Variants in CLTC observed in about 807,000 individuals in gnomAD.
CLTC encodes the protein clathrin heavy chain.
In CLTC, 16 loss-of-function variants were observed where a neutral mutation model predicts 195.8. That is an observed-to-expected ratio of 0.08 (90% CI 0.06 to 0.12). The LOEUF (loss-of-function observed/expected upper bound fraction) is 0.12, where lower values mean the gene tolerates loss of function less well. CLTC is among the 10% of genes least tolerant of loss of function. The probability of loss-of-function intolerance (pLI) is 1.00; values close to 1 mark genes in which losing one functional copy is unlikely to be tolerated. For missense variants in CLTC, 796 were observed against 2,027.0 expected (o/e 0.39, Z 11.66); for synonymous variants, 667 against 689.4 (o/e 0.97, Z 0.51).
At chr17:59,652,809 C>A (rs1045730384) in intron 5 of CLTC, among the ~76,000 whole-genome samples, 2 of 152,150 alleles carry the variant, frequency 1.3e-5, no homozygotes, top group African/African-American at 4.8e-5. Context: ...CTTAAAGTCA[C>A]CAGCATCATT....
intron 1 of CLTC, among the ~76,000 whole-genome samples, chr17:59,630,167 A>G (rs1369697134): frequency 6.6e-6 from 1 of 151,966 alleles, no homozygotes; most frequent in Non-Finnish European, 1.5e-5. Flanking sequence ...CACCCAGCCA[A>G]TTTTTGTATT....
rs1258255265 is a variant in CLTC at position 59,682,192 on chromosome 17, A to AT, written c.3443-78dup. The stretch of plus-strand genomic sequence containing the variant: ...CCATGTTTCCTTGAAAAGGAAATGA[A>AT]TGCAATTTTCATTTACTTGGGTGAA... On this transcript the variant is annotated intron_variant, in intron 21 of 31. Coordinates refer to ENST00000269122, the MANE Select transcript of CLTC (RefSeq NM_004859.4). The surrounding 1 kb of genome is among the most constrained non-coding windows in gnomAD (Gnocchi z 6.8). 7.4e-7 allele frequency: 1 copy of AT among 1,350,678 alleles called. No homozygotes were observed. Among genetic ancestry groups the AT allele is most frequent in the Non-Finnish European group, 1.0e-6 (1 of 969,076 alleles). 83.7% of individuals were successfully genotyped at this position (1,350,678 alleles called of 1,614,324 possible).
At chr17:59,659,619 A>AT (rs998674557) in intron 6 of CLTC, among the ~76,000 whole-genome samples, 73 of 146,132 alleles carry the variant, frequency 5.0e-4, no homozygotes, top group African/African-American at 1.2e-3. Flanking sequence ...TAATTTTTAT[A>AT]TTTTTTTTTT....
In CLTC at chr17:59,685,251, C is replaced by T; in HGVS notation, c.4605+25C>T. On this transcript the variant is annotated intron_variant, in intron 29 of 31. Coordinates refer to ENST00000269122, the MANE Select transcript of CLTC (RefSeq NM_004859.4). The surrounding 1 kb of genome is among the most constrained non-coding windows in gnomAD (Gnocchi z 5.0). Reference sequence around the variant, plus strand: ...GGTTGATAAAGTTGCGGGGCAGGGGCTGTTTTAAACCAGGCCTAAAATGGT... The same window carrying T: ...GGTTGATAAAGTTGCGGGGCAGGGGTTGTTTTAAACCAGGCCTAAAATGGT... The T allele has an allele frequency of 6.4e-7, 1 of 1,557,116 alleles. No homozygotes were observed. Among genetic ancestry groups the T allele is most frequent in the South Asian group, 1.2e-5 (1 of 82,794 alleles).
intron 18 of CLTC, among the ~76,000 whole-genome samples, chr17:59,680,021 T>C (rs1032838601): frequency 3.9e-5 from 6 of 151,904 alleles, no homozygotes; most frequent in Non-Finnish European, 2.9e-5. Flanking sequence ...CACTCCAGCC[T>C]GGGTGATAAG....
chr17:59,624,371 G>A (rs1444890969), intron 1 of CLTC, among the ~76,000 whole-genome samples: 1 of 151,708 alleles, frequency 6.6e-6, no homozygotes, highest in Non-Finnish European at 1.5e-5. Flanking sequence ...GATTAACAAT[G>A]TGGTATAGTA....
At chr17:59,678,766 C>A (rs531037585) in intron 17 of CLTC, among the ~76,000 whole-genome samples, 6 of 152,010 alleles carry the variant, frequency 3.9e-5, no homozygotes, top group Non-Finnish European at 8.8e-5. Flanking sequence ...TTTGGGAGGC[C>A]GAGGCAGGAG....
chr17:59,673,582 T>C (rs1290338509), intron 14 of CLTC, 65 bp from the exon 15 acceptor site: 2 of 1,267,298 alleles, frequency 1.6e-6, no homozygotes, highest in Admixed American at 1.8e-5. Flanking sequence ...AATTCTCATA[T>C]GTTACACAGA....
In CLTC at chr17:59,685,512, T is replaced by G. The variant is rs1289497023; in HGVS notation, c.4606-75T>G. On this transcript the variant is annotated intron_variant, in intron 29 of 31. Coordinates refer to ENST00000269122, the MANE Select transcript of CLTC (RefSeq NM_004859.4). This position sits in a 1 kb window ranked among gnomAD's most constrained non-coding sequence, Gnocchi z 5.0. ...AAAACCAGATTTATATTGGAAAGTT[T>G]CCATTGTTTTTCTTGGTTTACTAGT... 7.8e-7 allele frequency: 1 copy of G among 1,279,608 alleles called. No homozygotes were observed. The highest frequency in any genetic ancestry group is 1.1e-6 in the Non-Finnish European group (1 of 910,342). The allele number at this position is 1,279,608 out of a possible 1,614,324, so 79.3% of individuals were successfully genotyped here. A position where few individuals can be genotyped will look rare whatever the true frequency, so the allele number is the denominator to read the frequency against.
intron 1 of CLTC, among the ~76,000 whole-genome samples, chr17:59,633,322 C>G (rs2031774691): frequency 6.6e-6 from 1 of 152,032 alleles, no homozygotes; most frequent in East Asian, 1.9e-4. Context: ...GAAACCCCGT[C>G]TCTACTGAAA....
At chr17:59,626,220 T>C (rs2031546197) in intron 1 of CLTC, among the ~76,000 whole-genome samples, 1 of 152,240 alleles carries the variant, frequency 6.6e-6, no homozygotes, top group African/African-American at 2.4e-5. Context: ...TGTACACTTG[T>C]TATTCCAACC....
At position 59,683,372 on chromosome 17, in the gene CLTC, GTCTT is replaced by G. The variant is rs774338520; in HGVS notation, c.4042-10_4042-7del. ...CTAGACTCATATCTAAAGCAATTAA[GTCTT>G]TCTTATGCAGGTGCTAAGAGCTGCA... On this transcript the variant is annotated splice_polypyrimidine_tract_variant and intron_variant, in intron 25 of 31. Coordinates refer to ENST00000269122, the MANE Select transcript of CLTC (RefSeq NM_004859.4). The surrounding 1 kb of genome is among the most constrained non-coding windows in gnomAD (Gnocchi z 6.1). 5.3e-4 allele frequency: 847 copies of G among 1,607,026 alleles called. 2 individuals are homozygous for G. The highest frequency in any genetic ancestry group is 4.1e-4 in the Non-Finnish European group (480 of 1,176,972).
In CLTC at chr17:59,620,042, T is replaced by C. The variant is rs2031310400; in HGVS notation, c.-90T>C. 6.1e-6 allele frequency: 7 copies of C among 1,151,644 alleles called. No individual in the cohort carries two copies. Among genetic ancestry groups the C allele is most frequent in the South Asian group, 2.6e-5 (2 of 76,764 alleles). The allele number at this position is 1,151,644 out of a possible 1,614,324, so 71.3% of individuals were successfully genotyped here. A position where few individuals can be genotyped will look rare whatever the true frequency, so the allele number is the denominator to read the frequency against. ...ATCCTGCTGAGCCCAGCCTCCCCCC[T>C]CCCCTTCTCCTCCTCTCCCTTGGAG... On this transcript the variant is annotated 5_prime_UTR_variant, in exon 1 of 32. Transcript: ENST00000269122.
At chr17:59,647,812 A>ATCCCTTCTCTTCTCCTTCCTCCC (rs2032233374) in intron 3 of CLTC, 146 bp downstream of exon 3, 2 of 696,028 alleles carry the variant, frequency 2.9e-6, no homozygotes, top group South Asian at 1.9e-5. Flanking sequence ...CCTTCCTCCC[A>ATCCCTTCTCTTCTCCTTCCTCCC]TCCCTTCTCT....
Position 59,682,530 on chromosome 17 carries a change from G to A in CLTC, c.3601-99G>A. 8 of 1,579,046 alleles carry A rather than the reference G, an allele frequency of 5.1e-6. No homozygotes were observed. Among genetic ancestry groups the A allele is most frequent in the Non-Finnish European group, 6.0e-6 (7 of 1,159,276 alleles). On this transcript the variant is annotated intron_variant, in intron 22 of 31. Coordinates refer to ENST00000269122, the MANE Select transcript of CLTC (RefSeq NM_004859.4). This position sits in a 1 kb window ranked among gnomAD's most constrained non-coding sequence, Gnocchi z 6.8. The stretch of plus-strand genomic sequence containing the variant: ...GAAGAATTCCAAGGAAAAATCTATA[G>A]GAAAACAAATTCTTTCTCATTGTGA...
intron 4 of CLTC, among the ~76,000 whole-genome samples, chr17:59,649,195 C>T (rs1177660666): frequency 6.6e-6 from 1 of 152,154 alleles, no homozygotes; most frequent in Non-Finnish European, 1.5e-5. Context: ...GCTGGGGAGG[C>T]TGTAAAACCA....
rs574640668 is a variant in CLTC at position 59,647,726 on chromosome 17, G to T, written c.519+60G>T. 3.2e-5 allele frequency: 47 copies of T among 1,451,922 alleles called. No individual in the cohort carries two copies. The African/African-American group carries it at 6.5e-4, about 20-fold the overall frequency. The allele number at this position is 1,451,922 out of a possible 1,614,324, so 89.9% of individuals were successfully genotyped here. ...TTTAGAACACGGTTGTGCCCAGAAT[G>T]CAGTTTGATTTTGAAATTAGGTCTT... On this transcript the variant is annotated intron_variant, in intron 3 of 31. Transcript: ENST00000269122.
chr17:59,663,886 C>T lies in CLTC; in HGVS notation c.1413C>T (p.Asp471=), dbSNP rs373501671. ...EELGDLVKSV[D]PTLALSVYLR... is the part of the protein sequence containing the mutation. ...TGGGTGATCTTGTGAAATCTGTGGACCCTACATTGGCACTTAGTGTGTACC... is the reference window on the plus strand; with the variant it reads ...TGGGTGATCTTGTGAAATCTGTGGATCCTACATTGGCACTTAGTGTGTACC... Residue 471 remains aspartate (D), a synonymous_variant, in exon 9 of 32, where the codon GAC becomes GAT. Transcript: ENST00000269122. 80 of 1,613,546 alleles carry T rather than the reference C, an allele frequency of 5.0e-5. No homozygotes were observed. In the African/African-American group the frequency reaches 9.1e-4, roughly 18 times the overall value.
intron 9 of CLTC, among the ~76,000 whole-genome samples, chr17:59,664,512 C>T (rs1269757218): frequency 6.9e-6 from 1 of 145,148 alleles, no homozygotes; most frequent in Non-Finnish European, 1.5e-5. Flanking sequence ...GATTGCACCT[C>T]TGCACTCCAG....
Sources: allele counts gnomAD v4.1 joint callset (sites outside exome capture counted in the v4.1 genomes callset), GRCh38; gene constraint gnomAD v4.1.1; non-coding constraint Gnocchi (gnomAD v3.1); transcripts MANE v1.5; gene names NCBI Gene and HGNC (gene_info 2026-07-23, HGNC 2026-07-21).